The following TTN variants were observed in gnomAD, a reference collection of about 807,000 sequenced individuals.
TTN encodes connectin.
TTN carries 1,525 observed loss-of-function variants against 3,223.0 expected under a neutral mutation model. That is an observed-to-expected ratio of 0.47 (90% CI 0.45 to 0.49). The LOEUF is 0.49. TTN is among the 20% of genes least tolerant of loss of function. TTN has a pLI of 0.00. For missense variants in TTN, 40,786 were observed against 43,424.0 expected, an observed-to-expected ratio of 0.94 and a Z score of 5.40; for synonymous variants, 14,094 against 15,161.0, an observed-to-expected ratio of 0.93 and a Z score of 5.17.
At chr2:178,702,864 A>G (rs1487361733) in intron 106 of TTN, among the ~76,000 whole-genome samples, 1 of 152,244 alleles carries the variant, frequency 6.6e-6, no homozygotes, top group African/African-American at 2.4e-5. Context: ...AAGTGTATTC[A>G]TGCTGGTCGA....
chr2:178,557,312 G>C lies in TTN; in HGVS notation c.87950C>G (p.Ala29317Gly), dbSNP rs528557883. 1 of 1,613,916 alleles carries C rather than the reference G, an allele frequency of 6.2e-7. No homozygotes were observed. Among genetic ancestry groups the C allele is most frequent in the African/African-American group, 1.3e-5 (1 of 75,056 alleles). The change falls in exon 329 of 363, where the codon GCT becomes GGT. Residue 29317 changes from alanine (A) to glycine (G), a missense_variant. Transcript: ENST00000589042. ...IYEFRVYAEN[A>G]AGVGKPSHPS... ...ATGGCTAGGTTTTCCAACTCCAGCA[G>C]CATTTTCTGCATACACCCTGAATTC...
chr2:178,633,079 C>T (rs2059997647), intron 233 of TTN, 35 bp from the exon 234 acceptor site: 2 of 1,606,272 alleles, frequency 1.2e-6, no homozygotes, highest in Non-Finnish European at 1.7e-6. Flanking sequence ...AAAGAAAGAA[C>T]ATCATTTATA....
Position 178,534,715 on chromosome 2 carries a change from T to A in TTN, c.101900A>T (p.Lys33967Ile). 1 of 1,613,872 alleles carries A rather than the reference T, an allele frequency of 6.2e-7. No homozygotes were observed. The highest frequency in any genetic ancestry group is 8.5e-7 in the Non-Finnish European group (1 of 1,179,802). ...TAGAAGCCTGAAGTTGTCCCCTGGT[T>A]TCAGCTGACGGGCTTGACCAAATTC... is the stretch of plus-strand genomic sequence containing the variant. The part of the protein sequence containing the change: ...IIEFGQARQL[K>I]PGDNFRLLFT... The change falls in exon 358 of 363, where the codon AAA becomes ATA. Residue 33967 changes from lysine to isoleucine, a missense_variant. By Grantham distance (102) the Lys-to-Ile change is moderately radical. Coordinates refer to ENST00000589042, the MANE Select transcript of TTN (RefSeq NM_001267550.2).
Position 178,782,939 on chromosome 2 carries a change from G to C in TTN, c.2967C>G (p.Phe989Leu). ...EDYQIESSID[F>L]QITFQSGIAR... Reference sequence around the variant, plus strand: ...CAATTCCACTCTGGAAGGTTATCTGGAAGTCAATGGAACTTTCGATTTGGT... The same window carrying C: ...CAATTCCACTCTGGAAGGTTATCTGCAAGTCAATGGAACTTTCGATTTGGT... The change falls in exon 18 of 363, where the codon TTC becomes TTG. Residue 989 changes from phenylalanine (F) to leucine (L), a missense_variant. Phe to Leu is a conservative substitution (Grantham distance 22). Coordinates refer to ENST00000589042, the MANE Select transcript of TTN (RefSeq NM_001267550.2). 1 of 1,614,164 alleles carries C rather than the reference G, an allele frequency of 6.2e-7. No homozygotes were observed. The highest frequency in any genetic ancestry group is 8.5e-7 in the Non-Finnish European group (1 of 1,180,008).
intron 47 of TTN, chr2:178,748,468 A>G: frequency 1.9e-6 from 3 of 1,612,968 alleles, no homozygotes; most frequent in Non-Finnish European, 2.5e-6. Flanking sequence ...TTTCTTTATA[A>G]TGTATTTCCT....
chr2:178,563,092 A>T lies in TTN; in HGVS notation c.83040T>A (p.Asp27680Glu), dbSNP rs754885118. The T allele has an allele frequency of 6.8e-6, 11 of 1,613,628 alleles. No homozygotes were observed. The East Asian group carries it at 2.2e-4, about 33-fold the overall frequency. Residue 27680 changes from aspartate to glutamate, a missense_variant, in exon 326 of 363, where the codon GAT becomes GAA. Asp to Glu is a conservative substitution (Grantham distance 45, BLOSUM62 2). Transcript: ENST00000589042. The surrounding 1 kb of genome is among the most constrained non-coding windows in gnomAD (Gnocchi z 4.5). ...IEPPEIELDA[D>E]LRKVVVLRAS... ...CACGCAGAACGACCACCTTTCTGAG[A>T]TCAGCATCGAGTTCTATTTCTGGTG...
chr2:178,798,516 T>C (rs2093889971), intron 6 of TTN: 1 of 152,200 alleles, frequency 6.6e-6, no homozygotes, highest in Non-Finnish European at 1.5e-5. Flanking sequence ...TAAAAGGTTT[T>C]ACTTACCATC....
intron 47 of TTN, chr2:178,745,640 A>T (rs775801294): frequency 1.9e-6 from 3 of 1,612,782 alleles, no homozygotes; most frequent in Non-Finnish European, 2.5e-6. Context: ...GTTTGTAGCT[A>T]CACACCTATA....
At chr2:178,597,309 T>G (rs2051965003) in intron 294 of TTN, among the ~76,000 whole-genome samples, 1 of 152,122 alleles carries the variant, frequency 6.6e-6, no homozygotes, top group Non-Finnish European at 1.5e-5. Context: ...CTTGTTAGCA[T>G]CTGTTTTCTC....
At position 178,670,243 on chromosome 2, in the gene TTN, T is replaced by C; in HGVS notation, c.35361A>G (p.Glu11787=). 2.0e-6 allele frequency: 3 copies of C among 1,497,978 alleles called. No homozygotes were observed. The highest frequency in any genetic ancestry group is 2.7e-6 in the Non-Finnish European group (3 of 1,129,436). 92.8% of individuals were successfully genotyped at this position (1,497,978 alleles called of 1,614,324 possible). The change falls in exon 157 of 363, where the codon GAA becomes GAG. Residue 11787 remains glutamate (E), a synonymous_variant. Transcript: ENST00000589042. ...IVVEEKVRVP[E]EPRVPPTKAP... ...CTTTAGTTGGTGGAACTCTGGGCTCTTCAGGAACACGTACTTTTTCTTCTA... is the reference window on the plus strand; with the variant it reads ...CTTTAGTTGGTGGAACTCTGGGCTCCTCAGGAACACGTACTTTTTCTTCTA...
chr2:178,648,373 G>A (rs888808799), intron 213 of TTN, among the ~76,000 whole-genome samples: 2 of 151,768 alleles, frequency 1.3e-5, no homozygotes, highest in African/African-American at 4.8e-5. Context: ...CTTTCAATAT[G>A]CTCTTCCCTT....
chr2:178,604,829 T>A lies in TTN; in HGVS notation c.54260A>T (p.Asp18087Val). 1 of 1,612,444 alleles carries A rather than the reference T, an allele frequency of 6.2e-7. No homozygotes were observed. Residue 18087 changes from aspartate (D) to valine (V), a missense_variant, in exon 281 of 363, where the codon GAT becomes GTT. Transcript: ENST00000589042. ...ACTGCCACCATTATCAAGAGGGGCA[T>A]CCCATGTCAAGTAGCAAGATTCAGC... ...IKAESCYLTW[D>V]APLDNGGSEI...
rs72650076 is a variant in TTN, at chr2:178,636,908, G to C, written c.40928-109C>G. 4.0e-6 allele frequency: 5 copies of C among 1,265,328 alleles called. No homozygotes were observed. The highest frequency in any genetic ancestry group is 5.3e-6 in the Non-Finnish European group (5 of 946,922). 78.4% of individuals were successfully genotyped at this position (1,265,328 alleles called of 1,614,324 possible). ...CAGCCGTAAAGCAATTAGAAGACGA[G>C]AAAACTAAAGACCAGGCAATTGAAA... On this transcript the variant is annotated intron_variant, in intron 224 of 362. Transcript: ENST00000589042. This position sits in a 1 kb window ranked among gnomAD's most constrained non-coding sequence, Gnocchi z 4.3.
At position 178,534,152 on chromosome 2, in the gene TTN, A is replaced by G; in HGVS notation, c.102463T>C (p.Tyr34155His). 6.2e-7 allele frequency: 1 copy of G among 1,613,936 alleles called. No homozygotes were observed. The highest frequency in any genetic ancestry group is 1.1e-5 in the South Asian group (1 of 91,078). The change falls in exon 358 of 363, where the codon TAT becomes CAT. Residue 34155 changes from tyrosine (Y) to histidine (H), a missense_variant. By Grantham distance (83) the Tyr-to-His change is moderately conservative (BLOSUM62 2). Transcript: ENST00000589042. The part of the protein sequence containing the change: ...AVGEEGGHVK[Y>H]VCKIENYDQS... Reference sequence around the variant, plus strand: ...TCATAATTTTCAATTTTGCATACATATTTGACATGTCCTCCTTCTTCACCA... The same window carrying G: ...TCATAATTTTCAATTTTGCATACATGTTTGACATGTCCTCCTTCTTCACCA...
At chr2:178,704,428 G>T in intron 105 of TTN, 21 bp from the exon 106 acceptor site, 2 of 1,607,362 alleles carry the variant, frequency 1.2e-6, no homozygotes, top group Non-Finnish European at 1.7e-6. Context: ...GATACAACAC[G>T]CATTTTGTTC....
At position 178,582,212 on chromosome 2, in the gene TTN, C is replaced by T. The variant is rs1224531607; in HGVS notation, c.66161-4G>A. 1 of 1,588,354 alleles carries T rather than the reference C, an allele frequency of 6.3e-7. No homozygotes were observed. Among genetic ancestry groups the T allele is most frequent in the East Asian group, 2.2e-5 (1 of 44,552 alleles). The stretch of plus-strand genomic sequence containing the variant: ...GGATCACAGCGTCCTGGTGGGTCTG[C>T]AGAAATTGATTGAAAAGTTAATTTC... On this transcript the variant is annotated splice_polypyrimidine_tract_variant and splice_region_variant and intron_variant, in intron 314 of 362. Transcript: ENST00000589042.
Position 178,795,249 on chromosome 2 carries a change from G to A in TTN, c.918C>T (p.Ser306=), listed in dbSNP as rs773898647. ...VRAPTPSPVR[S]VSPAARISTS... Reference sequence around the variant, plus strand: ...TGGAGATTCTTGCTGCTGGAGACACGGACCTGAAAACCAAAAGGCAGAGGT... The same window carrying A: ...TGGAGATTCTTGCTGCTGGAGACACAGACCTGAAAACCAAAAGGCAGAGGT... Residue 306 remains serine, a synonymous_variant, in exon 7 of 363, where the codon TCC becomes TCT. Coordinates refer to ENST00000589042, the MANE Select transcript of TTN (RefSeq NM_001267550.2). 77 of 1,613,922 alleles carry A rather than the reference G, an allele frequency of 4.8e-5. No homozygotes were observed. The highest frequency in any genetic ancestry group is 6.3e-5 in the Non-Finnish European group (74 of 1,179,970).
chr2:178,734,953 A>T lies in TTN; in HGVS notation c.14971T>A (p.Tyr4991Asn). Residue 4991 changes from tyrosine to asparagine, a missense_variant, in exon 51 of 363, where the codon TAT (tyrosine) becomes AAT (asparagine). Coordinates refer to ENST00000589042, the MANE Select transcript of TTN (RefSeq NM_001267550.2). ...PSFVKKVDPS[Y>N]LMLPGESARL... ...GCTGATTCACCTGGGAGCATTAAATAAGAGGGATCCACCTTCTTCACGAAG... is the reference window on the plus strand; with the variant it reads ...GCTGATTCACCTGGGAGCATTAAATTAGAGGGATCCACCTTCTTCACGAAG... The T allele has an allele frequency of 2.5e-6, 4 of 1,603,500 alleles. No individual in the cohort carries two copies. Among genetic ancestry groups the T allele is most frequent in the Non-Finnish European group, 3.4e-6 (4 of 1,173,894 alleles).
chr2:178,675,901 T>C lies in TTN; in HGVS notation c.34453+20A>G. The C allele has an allele frequency of 2.5e-6, 4 of 1,601,182 alleles. No homozygotes were observed. Among genetic ancestry groups the C allele is most frequent in the Non-Finnish European group, 3.4e-6 (4 of 1,172,914 alleles). Reference sequence around the variant, plus strand: ...AAGGAAGGAAATGGCATAGTCTAATTTACTTCGGAATAGCAATACCTTTGG... The same window carrying C: ...AAGGAAGGAAATGGCATAGTCTAATCTACTTCGGAATAGCAATACCTTTGG... On this transcript the variant is annotated intron_variant, in intron 148 of 362. Coordinates refer to ENST00000589042, the MANE Select transcript of TTN (RefSeq NM_001267550.2).
Sources: allele counts gnomAD v4.1 joint callset (sites outside exome capture counted in the v4.1 genomes callset), GRCh38; gene constraint gnomAD v4.1.1; non-coding constraint Gnocchi (gnomAD v3.1); transcripts MANE v1.5; gene names NCBI Gene and HGNC (gene_info 2026-07-23, HGNC 2026-07-21).